Variants in PCDH15 observed in about 807,000 individuals in gnomAD.
PCDH15 encodes the protein protocadherin related 15, also known as protocadherin-15.
A neutral mutation model predicts 178.5 loss-of-function variants in PCDH15; 129 were observed. The observed-to-expected ratio is 0.72, with a 90% CI of 0.63 to 0.84. The LOEUF is 0.84. PCDH15 is among the 40% of genes least tolerant of loss of function. The probability of loss-of-function intolerance (pLI) is 0.00; values close to 1 mark genes in which losing one functional copy is unlikely to be tolerated. For synonymous variants in PCDH15, 800 were observed against 732.0 expected (o/e 1.09, Z -1.50); for missense variants, 2,230 against 2,099.9 (o/e 1.06, Z -1.21).
intron 3 of PCDH15, among the ~76,000 whole-genome samples, chr10:54,891,710 C>G (rs1409574914): frequency 6.6e-6 from 1 of 152,104 alleles, no homozygotes; most frequent in Admixed American, 6.6e-5. Flanking sequence ...GTCATTAGTT[C>G]TTACGTGTTA....
At chr10:53,925,078 G>A (rs1360778180) in intron 25 of PCDH15, among the ~76,000 whole-genome samples, 2 of 152,160 alleles carry the variant, frequency 1.3e-5, no homozygotes, top group Non-Finnish European at 2.9e-5. Context: ...AATAAAAGCA[G>A]ACTGCCCCAG....
At chr10:54,159,856 T>A (rs540691656) in intron 13 of PCDH15, among the ~76,000 whole-genome samples, 1 of 152,212 alleles carries the variant, frequency 6.6e-6, no homozygotes, top group Non-Finnish European at 1.5e-5. Context: ...CAGGGAAATA[T>A]TTAAATGAGT....
At chr10:54,213,228 T>C (rs1055824696) in intron 10 of PCDH15, among the ~76,000 whole-genome samples, 2 of 152,132 alleles carry the variant, frequency 1.3e-5, no homozygotes, top group African/African-American at 4.8e-5. Flanking sequence ...GCCTGGCAAA[T>C]TCCTGTTTTT....
At chr10:54,938,831 T>G (rs894081183) in intron 2 of PCDH15, among the ~76,000 whole-genome samples, 5 of 152,180 alleles carry the variant, frequency 3.3e-5, no homozygotes, top group African/African-American at 1.2e-4. Context: ...TAGAGAGATG[T>G]CATTCTGGAA....
chr10:54,210,681 A>G (rs778256874), intron 10 of PCDH15, among the ~76,000 whole-genome samples: 6 of 151,990 alleles, frequency 3.9e-5, no homozygotes, highest in South Asian at 2.1e-4. Context: ...CAGAAAGAGC[A>G]TGGTCAGTTG....
At chr10:54,981,662 TA>T (rs1839234997) in intron 2 of PCDH15, among the ~76,000 whole-genome samples, 1 of 152,200 alleles carries the variant, frequency 6.6e-6, no homozygotes, top group African/African-American at 2.4e-5. Flanking sequence ...TGTGTCAATA[TA>T]TTCTCCATTC....
intron 3 of PCDH15, among the ~76,000 whole-genome samples, chr10:54,414,375 G>C (rs1367075697): frequency 6.6e-6 from 1 of 152,044 alleles, no homozygotes; most frequent in Non-Finnish European, 1.5e-5. Flanking sequence ...ATGTTTACAT[G>C]ACGGAATAAA....
chr10:55,476,357 T>G (rs1335470088), intron 2 of PCDH15, among the ~76,000 whole-genome samples: 2 of 152,016 alleles, frequency 1.3e-5, no homozygotes, highest in Non-Finnish European at 2.9e-5. Context: ...AGCAGTCAAA[T>G]GAGTCATTTC....
chr10:54,792,592 C>T (rs1376286057), intron 1 of PCDH15, among the ~76,000 whole-genome samples: 3 of 151,912 alleles, frequency 2.0e-5, no homozygotes, highest in Non-Finnish European at 2.9e-5. Flanking sequence ...AAAAGTTGCT[C>T]TCCCTACCTG....
chr10:55,027,369 G>A (rs963396186), intron 2 of PCDH15, among the ~76,000 whole-genome samples: 6 of 151,668 alleles, frequency 4.0e-5, no homozygotes, highest in African/African-American at 1.2e-4. Context: ...TAGATTTAAA[G>A]ATATCTACTT....
intron 1 of PCDH15, among the ~76,000 whole-genome samples, chr10:54,779,309 C>T (rs1213881507): frequency 6.7e-6 from 1 of 149,838 alleles, no homozygotes; most frequent in African/African-American, 2.5e-5. Flanking sequence ...ATAACCTCAA[C>T]TCTGTCAGAG....
At chr10:55,401,594 C>CTCTGTGTGTGTGTGTG (rs775201579) in intron 2 of PCDH15, among the ~76,000 whole-genome samples, 2 of 133,114 alleles carry the variant, frequency 1.5e-5, no homozygotes, top group African/African-American at 5.9e-5. Context: ...ATTTGCCTTA[C>CTCTGTGTGTGTGTGTG]TGTGTGTGTG....
At chr10:53,830,509 T>G (rs1014977768) in intron 30 of PCDH15, among the ~76,000 whole-genome samples, 1 of 152,152 alleles carries the variant, frequency 6.6e-6, no homozygotes, top group Non-Finnish European at 1.5e-5. Context: ...AGCTCCCCAA[T>G]TTTTTCAAGT....
intron 1 of PCDH15, among the ~76,000 whole-genome samples, chr10:55,318,717 CA>C (rs1294197749): frequency 2.6e-5 from 4 of 151,838 alleles, no homozygotes; most frequent in Non-Finnish European, 4.4e-5. Flanking sequence ...TATAATATCC[CA>C]AAATTGCTCA....
chr10:54,817,190 A>G (rs1410606841), intron 3 of PCDH15, among the ~76,000 whole-genome samples: 1 of 152,010 alleles, frequency 6.6e-6, no homozygotes, highest in Non-Finnish European at 1.5e-5. Context: ...CAGTCTTAGA[A>G]TGTATTGTCA....
At chr10:54,659,428 A>G (rs1243974195) in intron 2 of PCDH15, among the ~76,000 whole-genome samples, 1 of 152,140 alleles carries the variant, frequency 6.6e-6, no homozygotes, top group Non-Finnish European at 1.5e-5. Flanking sequence ...TATGCCAGTT[A>G]TCTTCTCAGA....
intron 8 of PCDH15, among the ~76,000 whole-genome samples, chr10:54,314,419 G>A (rs543389453): frequency 2.6e-4 from 40 of 151,564 alleles, no homozygotes; most frequent in Non-Finnish European, 4.7e-4. Context: ...TAATGCCAGC[G>A]TAATATACTT....
chr10:54,307,570 T>C (rs986928993), intron 8 of PCDH15, among the ~76,000 whole-genome samples: 6 of 151,942 alleles, frequency 3.9e-5, no homozygotes, highest in Non-Finnish European at 7.4e-5. Flanking sequence ...CTGATATATT[T>C]TGGCTCACAG....
intron 3 of PCDH15, among the ~76,000 whole-genome samples, chr10:54,503,066 A>T (rs1418366): frequency 6.6e-6 from 1 of 151,492 alleles, no homozygotes; most frequent in Non-Finnish European, 1.5e-5. Flanking sequence ...TAAGCTTGCT[A>T]TAAAATCTTA....
Sources: allele counts gnomAD v4.1 joint callset (sites outside exome capture counted in the v4.1 genomes callset), GRCh38; gene constraint gnomAD v4.1.1; transcripts MANE v1.5; gene names NCBI Gene and HGNC (gene_info 2026-07-23, HGNC 2026-07-21).